The following MEI4 variants were observed in gnomAD, a reference collection of about 807,000 sequenced individuals.
MEI4 encodes meiotic double-stranded break formation protein 4.
In MEI4, 27 loss-of-function variants were observed where a neutral mutation model predicts 31.4. The ratio of observed to expected loss-of-function variants is 0.86; its 90% CI spans 0.63 to 1.19. The LOEUF (loss-of-function observed/expected upper bound fraction) is 1.19. Ranked by LOEUF, MEI4 falls within the 50% of genes most tolerant of loss-of-function variation. The pLI is 0.00. For missense variants in MEI4, 329 were observed against 398.9 expected, an observed-to-expected ratio of 0.82 and a Z score of 1.49; for synonymous variants, 122 against 145.4, an observed-to-expected ratio of 0.84 and a Z score of 1.16.
chr6:77,775,335 C>T (rs796564737), intron 3 of MEI4, among the ~76,000 whole-genome samples: 4 of 152,094 alleles, frequency 2.6e-5, no homozygotes, highest in South Asian at 2.1e-4. Context: ...TCTCATTCCC[C>T]TCCCACCCTT....
At chr6:77,838,122 A>C (rs1316186213) in intron 4 of MEI4, among the ~76,000 whole-genome samples, 1 of 152,212 alleles carries the variant, frequency 6.6e-6, no homozygotes. Context: ...GCTGACATTA[A>C]TACACATTTA....
At chr6:77,712,188 C>A (rs1390491246) in intron 2 of MEI4, among the ~76,000 whole-genome samples, 1 of 152,138 alleles carries the variant, frequency 6.6e-6, no homozygotes, top group East Asian at 1.9e-4. Flanking sequence ...TTTGCATATA[C>A]ACACACATAC....
chr6:77,826,936 G>A (rs1056086872), intron 3 of MEI4, among the ~76,000 whole-genome samples: 4 of 152,094 alleles, frequency 2.6e-5, no homozygotes, highest in Non-Finnish European at 5.9e-5. Flanking sequence ...CAAGACTAAT[G>A]TGGCACTAAG....
chr6:77,672,829 C>T (rs1012080850), intron 1 of MEI4, among the ~76,000 whole-genome samples: 7 of 152,324 alleles, frequency 4.6e-5, no homozygotes, highest in African/African-American at 1.2e-4. Flanking sequence ...TGAGCCACCA[C>T]GCCCATCCTA....
At chr6:77,848,661 C>T (rs1770542017) in intron 4 of MEI4, among the ~76,000 whole-genome samples, 1 of 152,020 alleles carries the variant, frequency 6.6e-6, no homozygotes, top group African/African-American at 2.4e-5. Flanking sequence ...AGCTAGATTG[C>T]CAACCTCTAA....
chr6:77,881,777 G>A (rs1413086311), intron 4 of MEI4, among the ~76,000 whole-genome samples: 1 of 152,190 alleles, frequency 6.6e-6, no homozygotes, highest in African/African-American at 2.4e-5. Flanking sequence ...TAATTGAACA[G>A]TATTATATGA....
intron 1 of MEI4, among the ~76,000 whole-genome samples, chr6:77,656,740 T>C (rs1768404239): frequency 6.6e-6 from 1 of 152,172 alleles, no homozygotes. Context: ...TCTAAATAAT[T>C]TACTCTTAAT....
At chr6:77,710,520 CAAA>C (rs1198470708) in intron 2 of MEI4, among the ~76,000 whole-genome samples, 4 of 57,736 alleles carry the variant, frequency 6.9e-5, no homozygotes, top group Non-Finnish European at 9.5e-5. Context: ...GACTCCATCT[CAAA>C]AAAAAAAAAA....
At chr6:77,871,395 ACATAT>A (rs1308110430) in intron 4 of MEI4, among the ~76,000 whole-genome samples, 12 of 152,314 alleles carry the variant, frequency 7.9e-5, no homozygotes, top group Middle Eastern at 3.4e-3. Flanking sequence ...ATCTAAATAC[ACATAT>A]CATAACATAT....
At chr6:77,855,792 G>A (rs891921589) in intron 4 of MEI4, among the ~76,000 whole-genome samples, 2 of 152,074 alleles carry the variant, frequency 1.3e-5, no homozygotes, top group Non-Finnish European at 2.9e-5. Flanking sequence ...TTTAAAATAT[G>A]TACTATGCAT....
intron 4 of MEI4, among the ~76,000 whole-genome samples, chr6:77,905,083 G>C (rs1166240231): frequency 6.6e-6 from 1 of 151,870 alleles, no homozygotes; most frequent in Admixed American, 6.6e-5. Context: ...AGTTCTGGGG[G>C]TTGATAAACT....
intron 3 of MEI4, among the ~76,000 whole-genome samples, chr6:77,797,800 G>C (rs1243035599): frequency 6.6e-6 from 1 of 152,038 alleles, no homozygotes; most frequent in East Asian, 1.9e-4. Context: ...CCCACGTTGA[G>C]GGTGGGTCTT....
chr6:77,748,416 C>A (rs111303385), intron 2 of MEI4, among the ~76,000 whole-genome samples: 166 of 152,350 alleles, frequency 1.1e-3, no homozygotes, highest in African/African-American at 2.6e-3. Flanking sequence ...CCCACTGAAG[C>A]AATAGCCCAA....
intron 4 of MEI4, among the ~76,000 whole-genome samples, chr6:77,898,408 ATTAC>A (rs756227313): frequency 2.6e-5 from 4 of 152,046 alleles, no homozygotes; most frequent in Non-Finnish European, 4.4e-5. Flanking sequence ...TTTAGTTGTT[ATTAC>A]TTCTGTCCTA....
intron 3 of MEI4, among the ~76,000 whole-genome samples, chr6:77,774,429 C>T (rs1032918736): frequency 6.6e-6 from 1 of 152,068 alleles, no homozygotes; most frequent in African/African-American, 2.4e-5. Flanking sequence ...ACAAACTTCA[C>T]ATGTTCTTAC....
At chr6:77,762,888 A>G (rs1768077226) in intron 3 of MEI4, among the ~76,000 whole-genome samples, 1 of 152,180 alleles carries the variant, frequency 6.6e-6, no homozygotes, top group Admixed American at 6.5e-5. Context: ...GAGATATAAA[A>G]TCCATTTCTA....
chr6:77,772,762 T>C (rs1363517515), intron 3 of MEI4, among the ~76,000 whole-genome samples: 1 of 152,010 alleles, frequency 6.6e-6, no homozygotes, highest in African/African-American at 2.4e-5. Context: ...ATAATTCAAA[T>C]TATTTTTGTT....
intron 2 of MEI4, among the ~76,000 whole-genome samples, chr6:77,699,296 T>G (rs1180471205): frequency 6.6e-6 from 1 of 150,384 alleles, no homozygotes; most frequent in Non-Finnish European, 1.5e-5. Flanking sequence ...TTCACGCCAT[T>G]CTCCTGCCTC....
intron 2 of MEI4, among the ~76,000 whole-genome samples, chr6:77,707,417 A>C (rs1766357608): frequency 6.6e-6 from 1 of 152,194 alleles, no homozygotes; most frequent in Non-Finnish European, 1.5e-5. Context: ...GAGCAAAGTA[A>C]TAACTTAAAG....
Sources: gnomAD v4.1 joint callset for allele counts (sites outside exome capture counted in the v4.1 genomes callset) on GRCh38, gnomAD v4.1.1 for gene constraint, MANE v1.5 for transcripts, NCBI Gene and HGNC (gene_info 2026-07-23, HGNC 2026-07-21) for gene names.